CDIN1: variants seen among roughly 807,000 people sequenced by gnomAD.
CDIN1 encodes CDAN1 interacting nuclease 1.
A neutral mutation model predicts 45.3 loss-of-function variants in CDIN1; 33 were observed. The ratio of observed to expected loss-of-function variants is 0.73; its 90% CI spans 0.55 to 0.97. CDIN1 has a LOEUF of 0.97. Among genes scored for constraint, CDIN1 ranks in the 50% least tolerant of loss-of-function variants. The pLI, the probability that CDIN1 is intolerant of heterozygous loss-of-function variation, is 0.00. For synonymous variants in CDIN1, 118 were observed against 124.4 expected (o/e 0.95, Z 0.34); for missense variants, 303 against 339.4 (o/e 0.89, Z 0.84).
At position 36,753,698 on chromosome 15, in the gene CDIN1, G is replaced by A. The variant is rs186554922; in HGVS notation, c.716+43737G>A. Among the ~76,000 whole-genome samples, 302 of 151,964 alleles carry A rather than the reference G, an allele frequency of 2.0e-3. 1 individual carries two copies. Among genetic ancestry groups the A allele is most frequent in the African/African-American group, 6.5e-3 (271 of 41,440 alleles). ...GCCAAAGGCACCTGTGTTCTCTAAG[G>A]ACTCTGCCTGAAAAGACTTTTAGGG... is the stretch of plus-strand genomic sequence containing the variant. On this transcript the variant is annotated intron_variant, in intron 10 of 10. Coordinates refer to ENST00000566621, the MANE Select transcript of CDIN1 (RefSeq NM_001321759.2).
At chr15:36,753,321 T>C (rs1270068842) in intron 10 of CDIN1, among the ~76,000 whole-genome samples, 2 of 152,040 alleles carry the variant, frequency 1.3e-5, no homozygotes, top group East Asian at 3.9e-4. Context: ...ATTTTGCAAA[T>C]GGGAAACCTG....
At chr15:36,589,650 C>T (rs1339023379) in intron 1 of CDIN1, among the ~76,000 whole-genome samples, 2 of 152,062 alleles carry the variant, frequency 1.3e-5, no homozygotes, top group African/African-American at 4.8e-5. Flanking sequence ...GGACTACAGG[C>T]GCCCGCCACC....
intron 5 of CDIN1, among the ~76,000 whole-genome samples, chr15:36,659,994 C>A (rs1243445784): frequency 2.0e-3 from 114 of 57,666 alleles, no homozygotes; most frequent in African/African-American, 6.7e-3. Context: ...TCTTAAAGAA[C>A]TTTAAGTTAC....
chr15:36,691,604 T>C (rs568167187), intron 5 of CDIN1, 81 bp from the exon 6 acceptor site: 1 of 840,296 alleles, frequency 1.2e-6, no homozygotes, highest in East Asian at 2.7e-5. Context: ...GGTTTGTGTA[T>C]ATGTAGATAT....
chr15:36,777,162 A>T (rs992438628), intron 10 of CDIN1, among the ~76,000 whole-genome samples: 4 of 152,192 alleles, frequency 2.6e-5, no homozygotes, highest in African/African-American at 9.6e-5. Flanking sequence ...ATGTGTATTT[A>T]ATAGGTCCAT....
chr15:36,711,937 G>C (rs1291731038), intron 10 of CDIN1, among the ~76,000 whole-genome samples: 1 of 152,108 alleles, frequency 6.6e-6, no homozygotes, highest in Non-Finnish European at 1.5e-5. Context: ...GACAGAAGGA[G>C]AACTTACCCC....
chr15:36,725,641 AGAGTT>A (rs1448562052), intron 10 of CDIN1, among the ~76,000 whole-genome samples: 2 of 152,184 alleles, frequency 1.3e-5, no homozygotes, highest in African/African-American at 4.8e-5. Flanking sequence ...AAAAGGTTGA[AGAGTT>A]AGTTGGAGGC....
chr15:36,618,982 C>T, intron 1 of CDIN1: 1 of 1,536,138 alleles, frequency 6.5e-7, no homozygotes, highest in Non-Finnish European at 8.8e-7. Context: ...CCCTAAAGAG[C>T]CATCTTCAGT....
rs553187959 is a variant in CDIN1 at position 36,680,189 on chromosome 15, C to G, written c.347-11496C>G. 5.6e-4 allele frequency among the ~76,000 whole-genome samples: 85 copies of G among 152,230 alleles called. No individual in the cohort carries two copies. In the South Asian group the frequency reaches 6.6e-3, roughly 12 times the overall value. Reference sequence around the variant, plus strand: ...TCCCTTTTCCCTGGCTTCCCAGATGCCATAACAGTAGGCAGGTCCTTAGTA... The same window carrying G: ...TCCCTTTTCCCTGGCTTCCCAGATGGCATAACAGTAGGCAGGTCCTTAGTA... On this transcript the variant is annotated intron_variant, in intron 5 of 10. Coordinates refer to ENST00000566621, the MANE Select transcript of CDIN1 (RefSeq NM_001321759.2).
chr15:36,580,710 GAACCAGTTGAGGAC>G (rs1396029982), intron 1 of CDIN1, among the ~76,000 whole-genome samples: 7 of 152,176 alleles, frequency 4.6e-5, no homozygotes, highest in Admixed American at 4.6e-4. Context: ...ATTACATGAG[GAACCAGTTGAGGAC>G]AACCAGGTCA....
chr15:36,597,081 A>G (rs2037870755), intron 1 of CDIN1, among the ~76,000 whole-genome samples: 1 of 152,176 alleles, frequency 6.6e-6, no homozygotes, highest in African/African-American at 2.4e-5. Context: ...GACCTGATAT[A>G]TGCCCCTAAG....
chr15:36,778,975 G>A (rs1004810877), intron 10 of CDIN1, among the ~76,000 whole-genome samples: 3 of 152,164 alleles, frequency 2.0e-5, no homozygotes, highest in African/African-American at 4.8e-5. Context: ...TGTAGGAGCC[G>A]AGTAAGACTG....
At chr15:36,644,857 A>C (rs79044985) in intron 2 of CDIN1, among the ~76,000 whole-genome samples, 14,018 of 152,256 alleles carry the variant, frequency 0.092, 738 homozygotes, top group Middle Eastern at 0.12. Flanking sequence ...AGTGCAGAGG[A>C]CTTAGATGGA....
At chr15:36,763,350 T>C (rs1393545362) in intron 10 of CDIN1, among the ~76,000 whole-genome samples, 1 of 152,190 alleles carries the variant, frequency 6.6e-6, no homozygotes, top group Non-Finnish European at 1.5e-5. Flanking sequence ...GTTTTTTTCT[T>C]GTAAATTTGT....
intron 1 of CDIN1, among the ~76,000 whole-genome samples, chr15:36,586,312 T>G (rs191336952): frequency 3.3e-5 from 5 of 152,162 alleles, no homozygotes; most frequent in African/African-American, 1.2e-4. Flanking sequence ...CGTCACCCTT[T>G]TTCCCATTGA....
intron 7 of CDIN1, among the ~76,000 whole-genome samples, chr15:36,694,087 A>C (rs1173792561): frequency 6.6e-6 from 1 of 152,176 alleles, no homozygotes. Context: ...TGCATTTCAT[A>C]TATGTTTATA....
intron 1 of CDIN1, among the ~76,000 whole-genome samples, chr15:36,595,526 C>A (rs1370719382): frequency 6.6e-6 from 1 of 152,048 alleles, no homozygotes; most frequent in Non-Finnish European, 1.5e-5. Context: ...TACCTGAACA[C>A]CTATTGAATA....
chr15:36,734,639 C>T (rs2043951145), intron 10 of CDIN1, among the ~76,000 whole-genome samples: 1 of 152,194 alleles, frequency 6.6e-6, no homozygotes, highest in African/African-American at 2.4e-5. Context: ...AGCACACACA[C>T]ATCAGTATTT....
chr15:36,591,574 T>C (rs540765413), intron 1 of CDIN1, among the ~76,000 whole-genome samples: 1 of 152,240 alleles, frequency 6.6e-6, no homozygotes, highest in Non-Finnish European at 1.5e-5. Context: ...AAAATACATT[T>C]AACCTCAAGT....
Sources: allele counts gnomAD v4.1 joint callset (sites outside exome capture counted in the v4.1 genomes callset), GRCh38; gene constraint gnomAD v4.1.1; transcripts MANE v1.5; gene names NCBI Gene and HGNC (gene_info 2026-07-23, HGNC 2026-07-21).